The following KCTD10 variants were observed in gnomAD, a reference collection of about 807,000 sequenced individuals.
KCTD10 encodes the protein potassium channel tetramerization domain containing 10.
In KCTD10, 13 loss-of-function variants were observed where a neutral mutation model predicts 34.6. That is an observed-to-expected ratio of 0.38 (90% confidence interval 0.24 to 0.60). KCTD10 has a LOEUF of 0.60. Ranked by LOEUF, KCTD10 falls within the 20% of genes least tolerant of loss-of-function variation. The pLI is 0.66. For missense variants in KCTD10, 256 were observed against 420.3 expected, an observed-to-expected ratio of 0.61 and a Z score of 3.42; for synonymous variants, 156 against 168.8, an observed-to-expected ratio of 0.92 and a Z score of 0.59.
chr12:109,476,469 C>A (rs764990817), intron 1 of KCTD10, among the ~76,000 whole-genome samples: 2 of 152,244 alleles, frequency 1.3e-5, no homozygotes, highest in Non-Finnish European at 2.9e-5. Context: ...AGGGAACAGA[C>A]CCTTGAGGAT....
intron 1 of KCTD10, among the ~76,000 whole-genome samples, chr12:109,476,251 C>G (rs1485578962): frequency 6.6e-6 from 1 of 152,232 alleles, no homozygotes; most frequent in Non-Finnish European, 1.5e-5. Flanking sequence ...ATGCTGCCTT[C>G]TTCCCATCCG....
At chr12:109,476,171 A>ATAT (rs1874233477) in intron 1 of KCTD10, among the ~76,000 whole-genome samples, 1 of 152,186 alleles carries the variant, frequency 6.6e-6, no homozygotes, top group Non-Finnish European at 1.5e-5. Flanking sequence ...AGGGCTTGAA[A>ATAT]TTTCAGCCAT....
chr12:109,469,371 A>G (rs1472253553), intron 2 of KCTD10, 144 bp downstream of exon 2: 3 of 918,524 alleles, frequency 3.3e-6, no homozygotes, highest in Non-Finnish European at 4.9e-6. Flanking sequence ...TAGCAAATCA[A>G]CGACCAAGTC....
rs552816253 is a variant in KCTD10, at chr12:109,449,289, C to T, written c.*2306G>A. ...TGTTCACCATGGAATGTTTTATAAACCTGTTCATATTCCAGAGAGACAAAG... is the reference window on the plus strand; with the variant it reads ...TGTTCACCATGGAATGTTTTATAAATCTGTTCATATTCCAGAGAGACAAAG... On this transcript the variant is annotated 3_prime_UTR_variant, in exon 7 of 7. Transcript: ENST00000228495. The T allele has an allele frequency of 6.6e-6, 1 of 152,302 alleles. No homozygotes were observed. The highest frequency in any genetic ancestry group is 2.4e-5 in the African/African-American group (1 of 41,554). 9.4% of individuals were successfully genotyped at this position (152,302 alleles called of 1,614,324 possible). A position where few individuals can be genotyped will look rare whatever the true frequency, so the allele number is the denominator to read the frequency against.
At chr12:109,455,620 A>C (rs903267806) in intron 6 of KCTD10, 8 of 161,926 alleles carry the variant, frequency 4.9e-5, no homozygotes, top group Admixed American at 2.3e-4. Context: ...ATGTCACTGG[A>C]TAGCCAGAAT....
chr12:109,477,130 C>A (rs369728531), intron 1 of KCTD10, 130 bp downstream of exon 1: 4 of 1,148,298 alleles, frequency 3.5e-6, no homozygotes, highest in Non-Finnish European at 3.6e-6. Flanking sequence ...AACCAATCCC[C>A]CAAATGCCTC....
intron 3 of KCTD10, 158 bp from the exon 4 acceptor site, chr12:109,458,236 G>C (rs1040351978): frequency 1.5e-5 from 9 of 609,800 alleles, no homozygotes; most frequent in Non-Finnish European, 2.3e-5. Context: ...GGGGAAGACA[G>C]GGAGTTGAAT....
chr12:109,453,106 G>A (rs1160046955), intron 6 of KCTD10, among the ~76,000 whole-genome samples: 1 of 152,154 alleles, frequency 6.6e-6, no homozygotes, highest in Non-Finnish European at 1.5e-5. Flanking sequence ...TGTCACCCAG[G>A]CTGGAGTGCA....
chr12:109,469,390 G>T, intron 2 of KCTD10, 125 bp downstream of exon 2: 1 of 1,095,140 alleles, frequency 9.1e-7, no homozygotes, highest in Non-Finnish European at 1.3e-6. Flanking sequence ...TCAAGATGGT[G>T]GGAGTCCCCA....
rs532582559 is a variant in KCTD10 at position 109,449,972 on chromosome 12, A to ATGAT, written c.*1619_*1622dup. Reference sequence around the variant, plus strand: ...CAATACACGATTTTGACATTCAGTCATGATTGTTTTAAAGTTTTATTGTAG... The same window carrying ATGAT: ...CAATACACGATTTTGACATTCAGTCATGATTGATTGTTTTAAAGTTTTATTGTAG... On this transcript the variant is annotated 3_prime_UTR_variant, in exon 7 of 7. Coordinates refer to ENST00000228495, the MANE Select transcript of KCTD10 (RefSeq NM_031954.5). 43 of 284,456 alleles carry ATGAT rather than the reference A, an allele frequency of 1.5e-4. 1 individual carries two copies. In the South Asian group the frequency reaches 6.6e-3, roughly 44 times the overall value. 17.6% of individuals were successfully genotyped at this position (284,456 alleles called of 1,614,324 possible).
intron 3 of KCTD10, chr12:109,459,302 T>C (rs771880897): frequency 2.0e-5 from 3 of 152,072 alleles, no homozygotes; most frequent in Non-Finnish European, 4.4e-5. Flanking sequence ...GAGGAAAGAA[T>C]TAGGAGGTCA....
chr12:109,458,162 G>T, intron 3 of KCTD10, 84 bp from the exon 4 acceptor site: 1 of 1,022,838 alleles, frequency 9.8e-7, no homozygotes, highest in Non-Finnish European at 1.5e-6. Flanking sequence ...AGGCTCTGGC[G>T]AGGGGAGATG....
chr12:109,451,669 C>T lies in KCTD10; in HGVS notation c.868G>A (p.Glu290Lys). 1 of 1,613,636 alleles carries T rather than the reference C, an allele frequency of 6.2e-7. No homozygotes were observed. The highest frequency in any genetic ancestry group is 8.5e-7 in the Non-Finnish European group (1 of 1,179,916). The change falls in exon 7 of 7, where the codon GAG becomes AAG. Residue 290 changes from glutamate to lysine, a missense_variant. Physicochemically the swap from Glu to Lys is moderately conservative, Grantham distance 56 (BLOSUM62 1). This residue lies in a region of KCTD10 where 60 missense variants were observed against 89.0 expected (regional missense o/e 0.67). Transcript: ENST00000228495. The surrounding 1 kb of genome is among the most constrained non-coding windows in gnomAD (Gnocchi z 5.0). ...GRSHHLDEDEERERIERVRRI... is the reference protein window; with the variant it reads ...GRSHHLDEDEKRERIERVRRI... ...CGCACGCGCTCGATCCGCTCCCGCT[C>T]CTCGTCCTCGTCCAGGTGGTGGGAG...
At chr12:109,462,589 G>A (rs1873390534) in intron 2 of KCTD10, among the ~76,000 whole-genome samples, 1 of 152,200 alleles carries the variant, frequency 6.6e-6, no homozygotes, top group African/African-American at 2.4e-5. Flanking sequence ...GGGCCAGTAA[G>A]CACAATAAAT....
rs772577045 is a variant in KCTD10 at position 109,458,088 on chromosome 12, C to T, written c.388-10G>A. On this transcript the variant is annotated splice_polypyrimidine_tract_variant and intron_variant, in intron 3 of 6. Coordinates refer to ENST00000228495, the MANE Select transcript of KCTD10 (RefSeq NM_031954.5). ...CATAAGTATCTTTGTTCTGCTGGAA[C>T]AAAACATGCTTTCAGCCTAGGAGGC... The T allele has an allele frequency of 1.2e-5, 19 of 1,611,410 alleles. No individual in the cohort carries two copies. Among genetic ancestry groups the T allele is most frequent in the Non-Finnish European group, 1.5e-5 (18 of 1,177,684 alleles).
Position 109,461,789 on chromosome 12 carries a change from G to A in KCTD10, c.218-984C>T, listed in dbSNP as rs138601206. Among the ~76,000 whole-genome samples the A allele has an allele frequency of 3.5e-4, 53 of 152,296 alleles. No homozygotes were observed. The East Asian group carries it at 8.7e-3, about 25-fold the overall frequency. ...GCCAGACAGATGAGAGGGTGAAGTC[G>A]AGGCCTTCTGACAAGCAGGGTGACC... On this transcript the variant is annotated intron_variant, in intron 2 of 6. Transcript: ENST00000228495.
At chr12:109,454,072 T>A (rs1773827763) in intron 6 of KCTD10, among the ~76,000 whole-genome samples, 1 of 151,786 alleles carries the variant, frequency 6.6e-6, no homozygotes, top group East Asian at 1.9e-4. Context: ...CTCCCTAGGA[T>A]TTAAACAAGG....
chr12:109,462,592 C>A (rs1334047455), intron 2 of KCTD10, among the ~76,000 whole-genome samples: 2 of 152,192 alleles, frequency 1.3e-5, no homozygotes, highest in South Asian at 2.1e-4. Context: ...CCAGTAAGCA[C>A]AATAAATGAG....
At chr12:109,464,730 G>A (rs550012828) in intron 2 of KCTD10, 9 of 427,160 alleles carry the variant, frequency 2.1e-5, no homozygotes, top group South Asian at 3.3e-5. Flanking sequence ...CATGCTCAAC[G>A]TACCAGACAT....
Sources: allele counts gnomAD v4.1 joint callset (sites outside exome capture counted in the v4.1 genomes callset), GRCh38; gene constraint gnomAD v4.1.1; regional missense constraint gnomAD v4.1.1; non-coding constraint Gnocchi (gnomAD v3.1); transcripts MANE v1.5; gene names NCBI Gene and HGNC (gene_info 2026-07-23, HGNC 2026-07-21).